The following CDH18 variants were observed in gnomAD, a reference collection of about 807,000 sequenced individuals.
CDH18 encodes the protein cadherin 18.
In CDH18, 31 loss-of-function variants were observed where a neutral mutation model predicts 67.9. The observed-to-expected ratio is 0.46, with a 90% CI of 0.34 to 0.62. CDH18 has a LOEUF of 0.62. CDH18 is among the 20% of genes least tolerant of loss of function. The probability of loss-of-function intolerance (pLI) is 0.01; values close to 1 mark genes in which losing one functional copy is unlikely to be tolerated. For synonymous variants in CDH18, 362 were observed against 347.2 expected (o/e 1.04, Z -0.48); for missense variants, 890 against 975.5 (o/e 0.91, Z 1.17).
At chr5:20,387,242 T>C (rs1021037719) in intron 1 of CDH18, among the ~76,000 whole-genome samples, 7 of 152,226 alleles carry the variant, frequency 4.6e-5, no homozygotes, top group Admixed American at 6.5e-5. Context: ...CTTTATTTCA[T>C]TGAGCAGTGG....
chr5:20,173,545 T>C (rs546797019), intron 2 of CDH18, among the ~76,000 whole-genome samples: 16 of 152,270 alleles, frequency 1.1e-4, no homozygotes, highest in African/African-American at 3.9e-4. Flanking sequence ...TCTGTGTTTA[T>C]AGCAAGAAAA....
intron 2 of CDH18, among the ~76,000 whole-genome samples, chr5:20,202,827 A>G (rs975455040): frequency 1.3e-5 from 2 of 152,080 alleles, no homozygotes; most frequent in African/African-American, 4.8e-5. Flanking sequence ...ACACATACCT[A>G]TATTAATAAT....
chr5:20,043,402 T>C (rs1294157777), intron 2 of CDH18, among the ~76,000 whole-genome samples: 1 of 152,140 alleles, frequency 6.6e-6, no homozygotes, highest in Non-Finnish European at 1.5e-5. Context: ...GCCTCTACTT[T>C]AAGGAATTAA....
At chr5:20,049,493 CT>C (rs889386851) in intron 2 of CDH18, among the ~76,000 whole-genome samples, 2 of 151,682 alleles carry the variant, frequency 1.3e-5, no homozygotes, top group Admixed American at 6.6e-5. Context: ...ACATGTACCC[CT>C]GATATTAAAA....
At chr5:20,270,522 T>TTA (rs1745360237) in intron 1 of CDH18, among the ~76,000 whole-genome samples, 1 of 152,152 alleles carries the variant, frequency 6.6e-6, no homozygotes, top group Non-Finnish European at 1.5e-5. Flanking sequence ...GGAATGCTTA[T>TTA]CCACTGTTGG....
chr5:19,610,816 T>C (rs767662366), intron 6 of CDH18, among the ~76,000 whole-genome samples: 20 of 152,122 alleles, frequency 1.3e-4, no homozygotes, highest in African/African-American at 4.3e-4. Flanking sequence ...CAAAAGTTCA[T>C]CCTAATCTGC....
intron 2 of CDH18, among the ~76,000 whole-genome samples, chr5:20,163,853 G>T (rs1376022478): frequency 6.6e-6 from 1 of 152,240 alleles, no homozygotes; most frequent in African/African-American, 2.4e-5. Context: ...AGAAAGTGCT[G>T]ATCTTTTGTG....
intron 2 of CDH18, among the ~76,000 whole-genome samples, chr5:20,197,938 C>T (rs1286194239): frequency 6.6e-6 from 1 of 152,060 alleles, no homozygotes; most frequent in Non-Finnish European, 1.5e-5. Context: ...GGGGTGGTTT[C>T]CCCTATGCTG....
chr5:20,049,662 A>G (rs2150487641), intron 2 of CDH18, among the ~76,000 whole-genome samples: 1 of 151,944 alleles, frequency 6.6e-6, no homozygotes, highest in East Asian at 1.9e-4. Context: ...GCTTCACGGT[A>G]ATATTTTAAT....
intron 5 of CDH18, among the ~76,000 whole-genome samples, chr5:19,677,858 CAA>C (rs1759715047): frequency 6.6e-6 from 1 of 151,846 alleles, no homozygotes; most frequent in Non-Finnish European, 1.5e-5. Context: ...CAACAATGAT[CAA>C]AAGACAAGAA....
Position 19,728,986 on chromosome 5 carries a change from TAACTC to T in CDH18, c.524-7525_524-7521del, listed in dbSNP as rs780665862. Reference sequence around the variant, plus strand: ...TGTAATTTAATAAAGTTTTGAGTATTAACTCAAGTCACTGAATTGAAAAGAAAAAA... The same window carrying T: ...TGTAATTTAATAAAGTTTTGAGTATTAAGTCACTGAATTGAAAAGAAAAAA... On this transcript the variant is annotated intron_variant, in intron 4 of 12. Coordinates refer to ENST00000382275, the MANE Select transcript of CDH18 (RefSeq NM_004934.5). Among the ~76,000 whole-genome samples, 6 of 152,250 alleles carry T rather than the reference TAACTC, an allele frequency of 3.9e-5. No individual in the cohort carries two copies. In the South Asian group the frequency reaches 1.2e-3, roughly 32 times the overall value.
intron 1 of CDH18, among the ~76,000 whole-genome samples, chr5:20,267,577 A>T (rs1745136582): frequency 6.6e-6 from 1 of 152,046 alleles, no homozygotes; most frequent in Non-Finnish European, 1.5e-5. Context: ...AATTTCTCTC[A>T]CAGGTATTTT....
intron 2 of CDH18, among the ~76,000 whole-genome samples, chr5:20,027,842 T>C (rs1739050459): frequency 1.3e-5 from 2 of 152,204 alleles, no homozygotes; most frequent in South Asian, 2.1e-4. Flanking sequence ...CATCAAGGAA[T>C]ATGTAAATTA....
intron 3 of CDH18, among the ~76,000 whole-genome samples, chr5:19,748,934 T>A (rs28565564): frequency 0.14 from 21,953 of 152,066 alleles, 1,825 homozygotes; most frequent in African/African-American, 0.23. Context: ...CATTTAAAAA[T>A]GCTTATTTAG....
In CDH18 at chr5:20,121,099, A is replaced by T. The variant is rs952057179; in HGVS notation, c.-517-129085T>A. ...ACCACATAATGTAGTCTAAAGAGTG[A>T]AGTCAATTGGAAATTTGTAATGTTT... On this transcript the variant is annotated intron_variant, in intron 2 of 14. Coordinates refer to the CDH18 transcript ENST00000507958. 7.2e-5 allele frequency among the ~76,000 whole-genome samples: 11 copies of T among 152,270 alleles called. No individual in the cohort carries two copies. In the Middle Eastern group the frequency reaches 0.02, roughly 283 times the overall value.
At chr5:19,983,033 GAAA>G (rs58434622) in intron 1 of CDH18, among the ~76,000 whole-genome samples, 6 of 100,350 alleles carry the variant, frequency 6.0e-5, no homozygotes, top group Admixed American at 1.0e-4. Flanking sequence ...ACTCCATCTC[GAAA>G]AAAAAAAAAA....
At chr5:20,100,304 C>T (rs1238457013) in intron 2 of CDH18, among the ~76,000 whole-genome samples, 1 of 151,998 alleles carries the variant, frequency 6.6e-6, no homozygotes, top group African/African-American at 2.4e-5. Flanking sequence ...TTTCAGAATT[C>T]CTCTTTTTCC....
At position 20,226,835 on chromosome 5, in the gene CDH18, G is replaced by C. The variant is rs564583816; in HGVS notation, c.-518+28609C>G. On this transcript the variant is annotated intron_variant, in intron 2 of 14. Coordinates refer to the CDH18 transcript ENST00000507958. ...TCAGCAGAGGAGCAGAGGAGACAAG[G>C]CACTTCTCCATACACACACATACAC... Among the ~76,000 whole-genome samples the C allele has an allele frequency of 7.2e-5, 11 of 151,858 alleles. No individual in the cohort carries two copies. In the South Asian group the frequency reaches 2.3e-3, roughly 32 times the overall value.
intron 5 of CDH18, among the ~76,000 whole-genome samples, chr5:19,676,921 G>A (rs1286639363): frequency 6.6e-6 from 1 of 151,966 alleles, no homozygotes; most frequent in Non-Finnish European, 1.5e-5. Context: ...TTGTTCTAAA[G>A]CCTTTTAAAA....
Sources: gnomAD v4.1 joint callset for allele counts (sites outside exome capture counted in the v4.1 genomes callset) on GRCh38, gnomAD v4.1.1 for gene constraint, MANE v1.5 for transcripts, NCBI Gene and HGNC (gene_info 2026-07-23, HGNC 2026-07-21) for gene names.